ASB3: variants seen among roughly 807,000 people sequenced by gnomAD.
The protein encoded by ASB3 is ankyrin repeat and SOCS box protein 3.
A neutral mutation model predicts 54.5 loss-of-function variants in ASB3; 41 were observed. That is an observed-to-expected ratio of 0.75 (90% confidence interval 0.59 to 0.98). ASB3 has a LOEUF of 0.98. ASB3 is among the 50% of genes least tolerant of loss of function. ASB3 has a pLI of 0.00. For missense variants in ASB3, 733 were observed against 620.0 expected, an observed-to-expected ratio of 1.18 and a Z score of -1.94; for synonymous variants, 266 against 221.2, an observed-to-expected ratio of 1.20 and a Z score of -1.80.
At chr2:53,774,305 CAT>C (rs771386482) in intron 1 of ASB3, 216 of 1,613,796 alleles carry the variant, frequency 1.3e-4, no homozygotes, top group Non-Finnish European at 1.8e-4. Context: ...TATATTGGAA[CAT>C]GTGATAATCC....
intron 8 of ASB3, among the ~76,000 whole-genome samples, chr2:53,695,205 T>G (rs2103738495): frequency 6.6e-6 from 1 of 152,248 alleles, no homozygotes; most frequent in East Asian, 1.9e-4. Flanking sequence ...TCAAAGACAC[T>G]TCTGGTAATT....
intron 9 of ASB3, among the ~76,000 whole-genome samples, chr2:53,693,207 T>C (rs1238985419): frequency 6.6e-6 from 1 of 152,126 alleles, no homozygotes; most frequent in Non-Finnish European, 1.5e-5. Flanking sequence ...TCTGAAAAAG[T>C]AAATAGGGAT....
At chr2:53,766,258 C>A (rs1471680265) in intron 1 of ASB3, among the ~76,000 whole-genome samples, 1 of 152,206 alleles carries the variant, frequency 6.6e-6, no homozygotes, top group East Asian at 1.9e-4. Context: ...AAGTTCTTAA[C>A]AGAGTTCTTG....
rs1321897456 is a variant in ASB3, at chr2:53,734,034, T to C, written c.356-4464A>G. On this transcript the variant is annotated intron_variant, in intron 3 of 9. Transcript: ENST00000263634. ...AGATCGGTCACGCTATTGTTTGTGGTTTAAGAACACCTTTAAGCAGTTTTC... is the reference window on the plus strand; with the variant it reads ...AGATCGGTCACGCTATTGTTTGTGGCTTAAGAACACCTTTAAGCAGTTTTC... Among the ~76,000 whole-genome samples, 5 of 152,306 alleles carry C rather than the reference T, an allele frequency of 3.3e-5. No individual in the cohort carries two copies. In the East Asian group the frequency reaches 9.7e-4, roughly 29 times the overall value.
chr2:53,723,709 C>T (rs936638121), intron 5 of ASB3, among the ~76,000 whole-genome samples: 1 of 152,152 alleles, frequency 6.6e-6, no homozygotes, highest in Non-Finnish European at 1.5e-5. Context: ...GTAACCAAAA[C>T]AGCATGGTCC....
In ASB3 at chr2:53,750,834, C is replaced by A. The variant is rs1193602229; in HGVS notation, c.304G>T (p.Gly102Trp). The A allele has an allele frequency of 6.2e-7, 1 of 1,602,530 alleles. No individual in the cohort carries two copies. The highest frequency in any genetic ancestry group is 8.5e-7 in the Non-Finnish European group (1 of 1,174,570). The change falls in exon 3 of 10, where the codon GGG becomes TGG. Residue 102 changes from glycine to tryptophan, a missense_variant. Transcript: ENST00000263634. Reference sequence around the variant, plus strand: ...AAAGTAGTTGCATTAGGATCTGCCCCAGCTTCTAAAAGAATCTGTACGATT... The same window carrying A: ...AAAGTAGTTGCATTAGGATCTGCCCAAGCTTCTAAAAGAATCTGTACGATT... ...WKIVQILLEA[G>W]ADPNATTLEE...
chr2:53,695,842 C>G (rs949061092), intron 8 of ASB3, among the ~76,000 whole-genome samples: 1 of 152,114 alleles, frequency 6.6e-6, no homozygotes, highest in Non-Finnish European at 1.5e-5. Flanking sequence ...AATATTGTGA[C>G]AGGCAATTAT....
chr2:53,774,175 G>A (rs1462679514), intron 1 of ASB3: 2 of 1,612,014 alleles, frequency 1.2e-6, no homozygotes, highest in East Asian at 2.2e-5. Context: ...CAGATTGCCA[G>A]TAGGAAAGGA....
chr2:53,776,431 G>A (rs1003004248), intron 1 of ASB3, among the ~76,000 whole-genome samples: 1 of 152,074 alleles, frequency 6.6e-6, no homozygotes, highest in African/African-American at 2.4e-5. Context: ...TTCCTGTTAT[G>A]CCTATCTTTT....
chr2:53,670,413 A>G lies in ASB3; in HGVS notation c.*90T>C. 7.0e-7 allele frequency: 1 copy of G among 1,429,072 alleles called. No individual in the cohort carries two copies. Among genetic ancestry groups the G allele is most frequent in the Non-Finnish European group, 9.3e-7 (1 of 1,069,908 alleles). 88.5% of individuals were successfully genotyped at this position (1,429,072 alleles called of 1,614,324 possible). On this transcript the variant is annotated 3_prime_UTR_variant, in exon 10 of 10. Transcript: ENST00000263634. ...CACAATCAATAATCATCTTTTGACTATAAAATCATAAAAACTTGTACTCTG... is the reference window on the plus strand; with the variant it reads ...CACAATCAATAATCATCTTTTGACTGTAAAATCATAAAAACTTGTACTCTG...
intron 1 of ASB3, among the ~76,000 whole-genome samples, chr2:53,781,883 A>G (rs1253155673): frequency 6.6e-6 from 1 of 152,228 alleles, no homozygotes; most frequent in Non-Finnish European, 1.5e-5. Flanking sequence ...TCCTACAGCC[A>G]TAATTTTCTT....
In ASB3 at chr2:53,744,384, C is replaced by CAA. The variant is rs779225958; in HGVS notation, c.355+6397_355+6398dup. On this transcript the variant is annotated intron_variant, in intron 3 of 9. Coordinates refer to ENST00000263634, the MANE Select transcript of ASB3 (RefSeq NM_016115.5). ...GGGCAGACAGAGCGAGACTCTGTCT[C>CAA]AAAAAAATAAATAAAAAAATTAAAA... Among the ~76,000 whole-genome samples, 6 of 139,958 alleles carry CAA rather than the reference C, an allele frequency of 4.3e-5. 1 individual carries two copies. The highest frequency in any genetic ancestry group is 2.1e-4 in the East Asian group (1 of 4,692). The allele number at this position is 139,958 out of a possible 152,430, so 91.8% of individuals were successfully genotyped here. A position where few individuals can be genotyped will look rare whatever the true frequency, so the allele number is the denominator to read the frequency against.
At chr2:53,739,778 C>T (rs771426295) in intron 3 of ASB3, among the ~76,000 whole-genome samples, 4 of 152,146 alleles carry the variant, frequency 2.6e-5, no homozygotes, top group East Asian at 1.9e-4. Context: ...TGGGCTCAAG[C>T]GATGCTCCCA....
chr2:53,716,278 G>A (rs534416099), intron 6 of ASB3, among the ~76,000 whole-genome samples: 4 of 152,174 alleles, frequency 2.6e-5, no homozygotes, highest in East Asian at 1.9e-4. Flanking sequence ...AGGAGGAGGC[G>A]GCGGATACAG....
At chr2:53,674,427 C>G (rs982138064) in intron 9 of ASB3, among the ~76,000 whole-genome samples, 13 of 152,252 alleles carry the variant, frequency 8.5e-5, no homozygotes, top group African/African-American at 3.1e-4. Flanking sequence ...GCAGAACAAT[C>G]AAAATAGAAG....
At chr2:53,769,056 C>T (rs1258709515) in intron 1 of ASB3, among the ~76,000 whole-genome samples, 1 of 152,172 alleles carries the variant, frequency 6.6e-6, no homozygotes, top group African/African-American at 2.4e-5. Context: ...ACTATACTGG[C>T]CTATTGGGAT....
intron 9 of ASB3, among the ~76,000 whole-genome samples, chr2:53,677,333 T>C (rs1198589362): frequency 4.6e-5 from 7 of 152,192 alleles, no homozygotes; most frequent in Non-Finnish European, 7.3e-5. Context: ...CACCTCACTG[T>C]ATCTCTTTTC....
intron 9 of ASB3, among the ~76,000 whole-genome samples, chr2:53,691,912 G>T (rs1354681887): frequency 6.6e-6 from 1 of 152,208 alleles, no homozygotes; most frequent in Non-Finnish European, 1.5e-5. Flanking sequence ...CAAGCAGGTT[G>T]TAACAAGGAG....
rs1670279510 is a variant in ASB3 at position 53,714,498 on chromosome 2, A to C, written c.866T>G (p.Phe289Cys). 4 of 1,614,228 alleles carry C rather than the reference A, an allele frequency of 2.5e-6. No individual in the cohort carries two copies. The Middle Eastern group carries it at 6.6e-4, about 266-fold the overall frequency. ...TTCTAGGCAATCTTCATGTCCCCCA[A>C]ACACTGCTGAGTAAACAGGGCTTAC... ...NKVSPVYSAV[F>C]GGHEDCLEIL... Residue 289 changes from phenylalanine (F) to cysteine (C), a missense_variant, in exon 7 of 10, where the codon TTT becomes TGT. Phe to Cys is a radical substitution (Grantham distance 205, BLOSUM62 -2). Transcript: ENST00000263634.
Sources: allele counts gnomAD v4.1 joint callset (sites outside exome capture counted in the v4.1 genomes callset), GRCh38; gene constraint gnomAD v4.1.1; transcripts MANE v1.5; gene names NCBI Gene and HGNC (gene_info 2026-07-23, HGNC 2026-07-21).